AGBL3: variants seen among roughly 807,000 people sequenced by gnomAD.
The protein encoded by AGBL3 is cytosolic carboxypeptidase 3.
A neutral mutation model predicts 94.5 loss-of-function variants in AGBL3; 68 were observed. The ratio of observed to expected loss-of-function variants is 0.72; its 90% CI spans 0.59 to 0.88. The LOEUF is 0.88. AGBL3 is among the 40% of genes least tolerant of loss of function. The pLI is 0.00. For missense variants in AGBL3, 934 were observed against 1,103.8 expected (o/e 0.85, Z 2.18); for synonymous variants, 354 against 370.7 (o/e 0.95, Z 0.52).
intron 15 of AGBL3, chr7:135,100,182 G>C (rs1329297237): frequency 6.7e-6 from 1 of 149,388 alleles, no homozygotes; most frequent in African/African-American, 2.5e-5. Context: ...CACTGCACCC[G>C]AGTTTCTCTT....
intron 5 of AGBL3, among the ~76,000 whole-genome samples, chr7:135,031,556 G>A (rs1314409589): frequency 2.0e-5 from 3 of 152,098 alleles, no homozygotes; most frequent in Non-Finnish European, 2.9e-5. Context: ...TGCATCCATC[G>A]TGTATTATGT....
intron 12 of AGBL3, among the ~76,000 whole-genome samples, chr7:135,063,018 A>G (rs2116713991): frequency 6.6e-6 from 1 of 152,200 alleles, no homozygotes; most frequent in Non-Finnish European, 1.5e-5. Flanking sequence ...GAAACTTTTT[A>G]TTTCTAATTT....
chr7:135,062,912 T>C (rs1241319507), intron 12 of AGBL3, among the ~76,000 whole-genome samples: 2 of 152,170 alleles, frequency 1.3e-5, no homozygotes, highest in African/African-American at 4.8e-5. Context: ...CTTCAATTTT[T>C]TGTAAGAGTT....
intron 15 of AGBL3, among the ~76,000 whole-genome samples, chr7:135,088,324 G>A (rs1821497019): frequency 6.6e-6 from 1 of 151,962 alleles, no homozygotes; most frequent in East Asian, 1.9e-4. Flanking sequence ...TAATAGGTGA[G>A]GACATACTCC....
intron 11 of AGBL3, among the ~76,000 whole-genome samples, chr7:135,055,019 G>C (rs749942077): frequency 3.3e-5 from 5 of 151,938 alleles, no homozygotes; most frequent in African/African-American, 1.2e-4. Flanking sequence ...GAAGGTCAAA[G>C]GGGAAGTGGA....
chr7:135,133,849 AAACC>A (rs1829120183), intron 16 of AGBL3, among the ~76,000 whole-genome samples: 1 of 152,172 alleles, frequency 6.6e-6, no homozygotes, highest in Non-Finnish European at 1.5e-5. Context: ...ATGAATTATT[AAACC>A]AACTATGGTA....
In AGBL3 at chr7:135,080,249, C is replaced by G; in HGVS notation, c.2027C>G (p.Ser676Cys). 1.3e-6 allele frequency: 2 copies of G among 1,549,142 alleles called. No individual in the cohort carries two copies. The highest frequency in any genetic ancestry group is 3.9e-5 in the Admixed American group (2 of 50,994). ...HLLQRHTQSN[S>C]DVKDTRPNEP... ...CTGCAAAGACACACACAATCAAATT[C>G]TGATGTGAAAGGTAATATTCTGCTT... The change falls in exon 14 of 17, where the codon TCT (serine) becomes TGT (cysteine). Residue 676 changes from serine (S) to cysteine (C), a missense_variant. By Grantham distance (112) the Ser-to-Cys change is moderately radical (BLOSUM62 -1). Transcript: ENST00000436302.
chr7:135,121,636 G>A (rs1827144909), intron 16 of AGBL3, among the ~76,000 whole-genome samples: 1 of 152,006 alleles, frequency 6.6e-6, no homozygotes, highest in Admixed American at 6.6e-5. Flanking sequence ...CTCTGGGATG[G>A]GGCCAAGATG....
At chr7:135,046,652 C>T (rs1007161570) in intron 11 of AGBL3, among the ~76,000 whole-genome samples, 1 of 151,988 alleles carries the variant, frequency 6.6e-6, no homozygotes, top group South Asian at 2.1e-4. Flanking sequence ...GGCTTAAAAG[C>T]TCATTTATTT....
Position 135,017,000 on chromosome 7 carries a change from TTC to T in AGBL3, c.311-50_311-49del, listed in dbSNP as rs573740026. On this transcript the variant is annotated intron_variant, in intron 4 of 16. Coordinates refer to ENST00000436302, the MANE Select transcript of AGBL3 (RefSeq NM_178563.4). ...AATTTGAAAATATGCAATAAAATTT[TTC>T]TGTTTTATTTTGAAGTCATCTTCAA... 2.1e-4 allele frequency: 245 copies of T among 1,158,910 alleles called. 3 individuals carry two copies. The South Asian group carries it at 3.1e-3, about 14-fold the overall frequency. The allele number at this position is 1,158,910 out of a possible 1,614,324, so 71.8% of individuals were successfully genotyped here.
At chr7:135,035,662 A>G (rs938341130) in intron 7 of AGBL3, among the ~76,000 whole-genome samples, 3 of 152,174 alleles carry the variant, frequency 2.0e-5, no homozygotes, top group African/African-American at 7.2e-5. Flanking sequence ...GAAAATCCAA[A>G]CTGTTTCTAA....
intron 16 of AGBL3, among the ~76,000 whole-genome samples, chr7:135,125,818 A>C (rs1281110506): frequency 6.6e-6 from 1 of 152,182 alleles, no homozygotes; most frequent in East Asian, 1.9e-4. Context: ...AATAGATGCA[A>C]AAAAGAGTTT....
chr7:135,109,873 C>A (rs1052853051), intron 15 of AGBL3, among the ~76,000 whole-genome samples: 1 of 152,186 alleles, frequency 6.6e-6, no homozygotes, highest in Non-Finnish European at 1.5e-5. Flanking sequence ...GACGGTGGCC[C>A]ATCCTTTCTC....
At chr7:135,044,730 T>C (rs1346474043) in intron 9 of AGBL3, among the ~76,000 whole-genome samples, 1 of 151,994 alleles carries the variant, frequency 6.6e-6, no homozygotes, top group African/African-American at 2.4e-5. Context: ...ATTATTATTA[T>C]ACTTTAAGTT....
chr7:135,010,767 C>G (rs1484412674), intron 4 of AGBL3: 1 of 152,118 alleles, frequency 6.6e-6, no homozygotes, highest in African/African-American at 2.4e-5. Context: ...AGGAATAAAT[C>G]TGATAGACAA....
intron 16 of AGBL3, among the ~76,000 whole-genome samples, chr7:135,116,666 T>C (rs1826358640): frequency 6.6e-6 from 1 of 152,202 alleles, no homozygotes; most frequent in African/African-American, 2.4e-5. Flanking sequence ...TTGTTCTTCT[T>C]TGACTCCACC....
At chr7:135,004,055 T>A (rs1812067400) in intron 4 of AGBL3, among the ~76,000 whole-genome samples, 1 of 151,686 alleles carries the variant, frequency 6.6e-6, no homozygotes, top group South Asian at 2.1e-4. Context: ...TTAAGCAAAT[T>A]ATTGGCTTCT....
chr7:135,074,330 C>T (rs1820252672), intron 12 of AGBL3, among the ~76,000 whole-genome samples: 1 of 152,198 alleles, frequency 6.6e-6, no homozygotes, highest in Non-Finnish European at 1.5e-5. Context: ...TGATTGGCAT[C>T]AGCCTGGGTT....
At chr7:135,125,616 C>T (rs1827769332) in intron 16 of AGBL3, among the ~76,000 whole-genome samples, 2 of 152,192 alleles carry the variant, frequency 1.3e-5, no homozygotes. Flanking sequence ...GACCAATATT[C>T]CTGATGAACA....
Sources: gnomAD v4.1 joint callset for allele counts (sites outside exome capture counted in the v4.1 genomes callset) on GRCh38, gnomAD v4.1.1 for gene constraint, MANE v1.5 for transcripts, NCBI Gene and HGNC (gene_info 2026-07-23, HGNC 2026-07-21) for gene names.